Variants in CAMTA1 observed in about 807,000 individuals in gnomAD.
The protein encoded by CAMTA1 is calmodulin binding transcription activator 1.
In CAMTA1, 27 loss-of-function variants were observed where a neutral mutation model predicts 170.9. The ratio of observed to expected loss-of-function variants is 0.16; its 90% CI spans 0.12 to 0.22. The LOEUF is 0.22. CAMTA1 is among the 10% of genes least tolerant of loss of function. The pLI, the probability that CAMTA1 is intolerant of heterozygous loss-of-function variation, is 1.00. For missense variants in CAMTA1, 1,619 were observed against 2,217.2 expected (o/e 0.73, Z 5.42); for synonymous variants, 833 against 891.5 (o/e 0.93, Z 1.17).
At chr1:7,613,269 C>T (rs541820002) in intron 6 of CAMTA1, among the ~76,000 whole-genome samples, 256 of 152,318 alleles carry the variant, frequency 1.7e-3, no homozygotes, top group Non-Finnish European at 2.8e-3. Context: ...GACCCCCTCC[C>T]GACACCTGCC....
At position 7,561,857 on chromosome 1, in the gene CAMTA1, C is replaced by T. The variant is rs1463507697; in HGVS notation, c.511-78543C>T. ...CGAACCCTCATCCCTGCCTGCACGC[C>T]GGCCTGGAGGAGGAAGCCATCCTCG... On this transcript the variant is annotated intron_variant, in intron 6 of 22. Transcript: ENST00000303635. The surrounding 1 kb of genome is among the most constrained non-coding windows in gnomAD (Gnocchi z 5.3). 2.6e-5 allele frequency among the ~76,000 whole-genome samples: 4 copies of T among 152,166 alleles called. No homozygotes were observed. The highest frequency in any genetic ancestry group is 1.9e-4 in the East Asian group (1 of 5,174).
At position 7,738,649 on chromosome 1, in the gene CAMTA1, T is replaced by G. The variant is rs1163631915; in HGVS notation, c.4182+167T>G. The stretch of plus-strand genomic sequence containing the variant: ...ATCTTCTTTCCTTGGGGCCACATTT[T>G]CATTCGGTGAATCGGGCACCGGGAG... On this transcript the variant is annotated intron_variant, in intron 16 of 22. Transcript: ENST00000303635. This position sits in a 1 kb window ranked among gnomAD's most constrained non-coding sequence, Gnocchi z 4.9. Among the ~76,000 whole-genome samples, 1 of 152,178 alleles carries G rather than the reference T, an allele frequency of 6.6e-6. No individual in the cohort carries two copies. Among genetic ancestry groups the G allele is most frequent in the Non-Finnish European group, 1.5e-5 (1 of 68,034 alleles).
At chr1:7,147,611 T>C (rs556454766) in intron 4 of CAMTA1, among the ~76,000 whole-genome samples, 25 of 149,148 alleles carry the variant, frequency 1.7e-4, no homozygotes, top group African/African-American at 5.7e-4. Context: ...CACACACTCA[T>C]ACATCACACA....
intron 4 of CAMTA1, among the ~76,000 whole-genome samples, chr1:7,155,885 C>A (rs573149007): frequency 3.3e-5 from 5 of 152,262 alleles, no homozygotes; most frequent in African/African-American, 1.2e-4. Context: ...ATTTCTAATG[C>A]ATTTCTTCAT....
chr1:7,088,791 G>A (rs1641086295), intron 3 of CAMTA1, among the ~76,000 whole-genome samples: 2 of 152,160 alleles, frequency 1.3e-5, no homozygotes, highest in Non-Finnish European at 2.9e-5. Context: ...AGCTGGCACA[G>A]CCTATTCCTC....
At chr1:7,656,825 T>C (rs2095907758) in intron 7 of CAMTA1, among the ~76,000 whole-genome samples, 1 of 152,252 alleles carries the variant, frequency 6.6e-6, no homozygotes, top group Non-Finnish European at 1.5e-5. Context: ...CACACGCTGT[T>C]GTCATTGATT....
At chr1:7,344,042 G>A (rs1424910868) in intron 5 of CAMTA1, among the ~76,000 whole-genome samples, 1 of 152,214 alleles carries the variant, frequency 6.6e-6, no homozygotes, top group Non-Finnish European at 1.5e-5. Context: ...TGCTTGCTGG[G>A]TGGTCCAGTT....
At chr1:7,272,393 G>C (rs977599596) in intron 5 of CAMTA1, among the ~76,000 whole-genome samples, 1 of 151,962 alleles carries the variant, frequency 6.6e-6, no homozygotes, top group Non-Finnish European at 1.5e-5. Flanking sequence ...AAATTGACAA[G>C]CTGAACCTAA....
At chr1:6,916,728 C>T (rs1680889625) in intron 3 of CAMTA1, among the ~76,000 whole-genome samples, 1 of 152,156 alleles carries the variant, frequency 6.6e-6, no homozygotes, top group Admixed American at 6.5e-5. Context: ...AGTTGGCACT[C>T]TAGGGAGGGA....
chr1:6,849,696 G>A (rs1659633445), intron 3 of CAMTA1, among the ~76,000 whole-genome samples: 1 of 151,144 alleles, frequency 6.6e-6, no homozygotes, highest in South Asian at 2.1e-4. Flanking sequence ...ATGGAGGGCT[G>A]TTTATTTAAA....
In CAMTA1 at chr1:7,118,664, T is replaced by G. The variant is rs532434924; in HGVS notation, c.302+27293T>G. Reference sequence around the variant, plus strand: ...TATGACTGTGTCTCTACACATCGTTTGAAATTTTTTATTGTTAAAAAATGT... The same window carrying G: ...TATGACTGTGTCTCTACACATCGTTGGAAATTTTTTATTGTTAAAAAATGT... On this transcript the variant is annotated intron_variant, in intron 4 of 22. Coordinates refer to ENST00000303635, the MANE Select transcript of CAMTA1 (RefSeq NM_015215.4). Among the ~76,000 whole-genome samples the G allele has an allele frequency of 7.3e-4, 111 of 152,262 alleles. 2 individuals are homozygous for G. In the Middle Eastern group the frequency reaches 0.041, roughly 56 times the overall value.
At chr1:7,021,441 G>C (rs898346869) in intron 3 of CAMTA1, among the ~76,000 whole-genome samples, 4 of 152,212 alleles carry the variant, frequency 2.6e-5, no homozygotes, top group African/African-American at 9.6e-5. Context: ...GTCTTTTTCT[G>C]ATTTTCCCTC....
At chr1:7,409,635 G>C (rs893988150) in intron 5 of CAMTA1, among the ~76,000 whole-genome samples, 1 of 152,222 alleles carries the variant, frequency 6.6e-6, no homozygotes, top group Non-Finnish European at 1.5e-5. Context: ...CTGCCCACGG[G>C]GTAGGAGGGA....
intron 3 of CAMTA1, among the ~76,000 whole-genome samples, chr1:6,912,127 G>A (rs1364665937): frequency 6.6e-6 from 1 of 152,222 alleles, no homozygotes; most frequent in Non-Finnish European, 1.5e-5. Flanking sequence ...CCTGGCTTAA[G>A]GAACATAAGA....
Position 7,565,622 on chromosome 1 carries a change from C to T in CAMTA1, c.511-74778C>T, listed in dbSNP as rs190592492. On this transcript the variant is annotated intron_variant, in intron 6 of 22. Coordinates refer to ENST00000303635, the MANE Select transcript of CAMTA1 (RefSeq NM_015215.4). The surrounding 1 kb of genome is among the most constrained non-coding windows in gnomAD (Gnocchi z 4.5). ...GACTGAGACCCCAGGAGAGCCAGGT[C>T]CTGCTCCTTTGGGGAGGCTGCCTGG... Among the ~76,000 whole-genome samples the T allele has an allele frequency of 9.9e-5, 15 of 152,280 alleles. No homozygotes were observed. Among genetic ancestry groups the T allele is most frequent in the Admixed American group, 9.1e-4 (14 of 15,302 alleles).
At chr1:6,891,351 A>G (rs1427132901) in intron 3 of CAMTA1, among the ~76,000 whole-genome samples, 2 of 152,182 alleles carry the variant, frequency 1.3e-5, no homozygotes, top group Non-Finnish European at 2.9e-5. Flanking sequence ...CCTATTTACC[A>G]CTTTGCTAAG....
At chr1:6,930,802 CAGCCCCTGCTCT>C (rs1684266075) in intron 3 of CAMTA1, among the ~76,000 whole-genome samples, 2 of 152,214 alleles carry the variant, frequency 1.3e-5, no homozygotes. Flanking sequence ...GAGTAAGGCT[CAGCCCCTGCTCT>C]GGAGCTTGGG....
chr1:7,219,708 T>G (rs906118359), intron 4 of CAMTA1, among the ~76,000 whole-genome samples: 1 of 151,766 alleles, frequency 6.6e-6, no homozygotes, highest in Non-Finnish European at 1.5e-5. Flanking sequence ...GTTGTGAGGG[T>G]GGGGCCCCAT....
chr1:7,565,445 C>T lies in CAMTA1; in HGVS notation c.511-74955C>T, dbSNP rs562754581. ...CAGGGACAACCCAGGTCCCTGACCA[C>T]GTGGTAGAGTGAAGAGGCCAGGAAC... On this transcript the variant is annotated intron_variant, in intron 6 of 22. Coordinates refer to ENST00000303635, the MANE Select transcript of CAMTA1 (RefSeq NM_015215.4). This position sits in a 1 kb window ranked among gnomAD's most constrained non-coding sequence, Gnocchi z 4.5. 2.0e-5 allele frequency among the ~76,000 whole-genome samples: 3 copies of T among 152,262 alleles called. No individual in the cohort carries two copies. The highest frequency in any genetic ancestry group is 1.9e-4 in the East Asian group (1 of 5,158).
Sources: allele counts gnomAD v4.1 joint callset (sites outside exome capture counted in the v4.1 genomes callset), GRCh38; gene constraint gnomAD v4.1.1; non-coding constraint Gnocchi (gnomAD v3.1); transcripts MANE v1.5; gene names NCBI Gene and HGNC (gene_info 2026-07-23, HGNC 2026-07-21).